The following NAV3 variants were observed in gnomAD, a reference collection of about 807,000 sequenced individuals.
NAV3 encodes neuron navigator 3.
A neutral mutation model predicts 244.7 loss-of-function variants in NAV3; 87 were observed. The observed-to-expected ratio is 0.36, with a 90% CI of 0.30 to 0.42. The LOEUF (loss-of-function observed/expected upper bound fraction) is 0.42. Among genes scored for constraint, NAV3 ranks in the 20% least tolerant of loss-of-function variants. NAV3 has a pLI of 1.00. For synonymous variants in NAV3, 1,126 were observed against 1,042.2 expected (o/e 1.08, Z -1.55); for missense variants, 2,663 against 2,893.3 (o/e 0.92, Z 1.83).
intron 1 of NAV3, among the ~76,000 whole-genome samples, chr12:77,864,249 C>T (rs1018362606): frequency 6.6e-6 from 1 of 151,764 alleles, no homozygotes; most frequent in Non-Finnish European, 1.5e-5. Flanking sequence ...TTTTTCCTAA[C>T]CTGTAAGTCC....
intron 2 of NAV3, among the ~76,000 whole-genome samples, chr12:77,758,225 AC>A (rs1218694659): frequency 2.6e-5 from 4 of 152,130 alleles, no homozygotes; most frequent in Non-Finnish European, 4.4e-5. Flanking sequence ...ACCTGGATAT[AC>A]TTTTTTCCTG....
chr12:77,649,548 A>G (rs1192660971), intron 2 of NAV3, among the ~76,000 whole-genome samples: 4 of 152,298 alleles, frequency 2.6e-5, no homozygotes, highest in Non-Finnish European at 5.9e-5. Flanking sequence ...ACAACTCAAC[A>G]TACTAATAAG....
intron 11 of NAV3, among the ~76,000 whole-genome samples, chr12:78,058,413 A>G (rs2137393957): frequency 6.6e-6 from 1 of 152,224 alleles, no homozygotes; most frequent in East Asian, 1.9e-4. Flanking sequence ...TATGGGGAAA[A>G]CTATCCCCGT....
intron 21 of NAV3, among the ~76,000 whole-genome samples, chr12:78,146,636 G>T (rs1054224043): frequency 6.6e-6 from 1 of 152,154 alleles, no homozygotes; most frequent in Middle Eastern, 3.4e-3. Context: ...CACCTAATAA[G>T]TTTTCTATAA....
In NAV3 at chr12:77,892,844, G is replaced by A. The variant is rs567684034; in HGVS notation, c.244-47475G>A. Among the ~76,000 whole-genome samples, 55 of 152,326 alleles carry A rather than the reference G, an allele frequency of 3.6e-4. No homozygotes were observed. The South Asian group carries it at 5.4e-3, about 15-fold the overall frequency. On this transcript the variant is annotated intron_variant, in intron 1 of 39. Coordinates refer to ENST00000397909, the MANE Select transcript of NAV3 (RefSeq NM_001024383.2). Reference sequence around the variant, plus strand: ...GATGAGGATAAAATATACGCAAAGTGCTTAGTGTGGTACCTGGTAAAAAGT... The same window carrying A: ...GATGAGGATAAAATATACGCAAAGTACTTAGTGTGGTACCTGGTAAAAAGT...
intron 6 of NAV3, among the ~76,000 whole-genome samples, chr12:77,996,664 A>G (rs1191028675): frequency 2.6e-5 from 4 of 152,108 alleles, no homozygotes; most frequent in African/African-American, 7.2e-5. Context: ...TGTGAAAATG[A>G]TATAGTCTAG....
chr12:77,615,465 C>T (rs1445986943), intron 2 of NAV3, among the ~76,000 whole-genome samples: 1 of 152,076 alleles, frequency 6.6e-6, no homozygotes, highest in Non-Finnish European at 1.5e-5. Context: ...TGTAGGCATG[C>T]AGCATTTGTT....
chr12:78,202,715 G>A (rs572714931), intron 38 of NAV3, among the ~76,000 whole-genome samples: 1 of 152,028 alleles, frequency 6.6e-6, no homozygotes, highest in African/African-American at 2.4e-5. Flanking sequence ...AGGGCTTTTT[G>A]GGGGAGGGGA....
At chr12:77,643,201 T>C (rs1216984960) in intron 2 of NAV3, among the ~76,000 whole-genome samples, 1 of 152,026 alleles carries the variant, frequency 6.6e-6, no homozygotes, top group Non-Finnish European at 1.5e-5. Flanking sequence ...TTCTTATGTC[T>C]AGCTTTAGTC....
intron 2 of NAV3, among the ~76,000 whole-genome samples, chr12:77,797,750 A>C (rs1370769510): frequency 6.6e-6 from 1 of 151,712 alleles, no homozygotes; most frequent in Non-Finnish European, 1.5e-5. Flanking sequence ...CTGAGGGAGG[A>C]GAATTGCTTG....
chr12:77,692,529 C>G (rs1705896964), intron 2 of NAV3, among the ~76,000 whole-genome samples: 1 of 152,008 alleles, frequency 6.6e-6, no homozygotes, highest in Non-Finnish European at 1.5e-5. Flanking sequence ...GGGTATGATA[C>G]AGTAAACCTC....
At chr12:77,581,407 T>G (rs1016730517) in intron 2 of NAV3, among the ~76,000 whole-genome samples, 15 of 152,324 alleles carry the variant, frequency 9.8e-5, no homozygotes, top group African/African-American at 2.6e-4. Context: ...TGAACTATCC[T>G]TTATAAATGT....
chr12:77,624,323 A>G (rs1024594116), intron 2 of NAV3, among the ~76,000 whole-genome samples: 1 of 152,182 alleles, frequency 6.6e-6, no homozygotes, highest in Admixed American at 6.5e-5. Context: ...GAACTAGCGG[A>G]AAGTTGCAAG....
intron 2 of NAV3, among the ~76,000 whole-genome samples, chr12:77,623,382 G>A (rs1233159895): frequency 1.3e-5 from 2 of 152,102 alleles, no homozygotes; most frequent in African/African-American, 4.8e-5. Context: ...GTTTTGAATT[G>A]GTTTTGAATT....
Position 78,116,793 on chromosome 12 carries a change from G to A in NAV3, c.2658G>A (p.Val886=), listed in dbSNP as rs2138515376. ...DADSWDDSSS[V]SSGLSDTLDN... is the part of the protein sequence containing the mutation. ...TTAGCTGGGATGACAGCAGTTCAGTGAGCAGTGGTCTCAGTGACACCCTTG... is the reference window on the plus strand; with the variant it reads ...TTAGCTGGGATGACAGCAGTTCAGTAAGCAGTGGTCTCAGTGACACCCTTG... The change falls in exon 13 of 40, where the codon GTG becomes GTA. Residue 886 remains valine, a synonymous_variant. Transcript: ENST00000397909. 6.2e-7 allele frequency: 1 copy of A among 1,603,396 alleles called. No individual in the cohort carries two copies. The highest frequency in any genetic ancestry group is 8.5e-7 in the Non-Finnish European group (1 of 1,173,152).
At chr12:77,746,963 A>G (rs956090580) in intron 2 of NAV3, among the ~76,000 whole-genome samples, 1 of 152,168 alleles carries the variant, frequency 6.6e-6, no homozygotes, top group Non-Finnish European at 1.5e-5. Context: ...GTCAAACTCA[A>G]TTGCACTTTG....
chr12:77,897,020 G>A (rs1035449439), intron 1 of NAV3, among the ~76,000 whole-genome samples: 1 of 152,176 alleles, frequency 6.6e-6, no homozygotes, highest in Non-Finnish European at 1.5e-5. Flanking sequence ...TCACCTGAGA[G>A]CTTGTTAAAA....
chr12:77,989,292 TA>T (rs1348229734), intron 5 of NAV3, among the ~76,000 whole-genome samples: 1 of 152,210 alleles, frequency 6.6e-6, no homozygotes, highest in Non-Finnish European at 1.5e-5. Context: ...AGTAATACTA[TA>T]ATTAGAACCA....
intron 18 of NAV3, among the ~76,000 whole-genome samples, chr12:78,129,637 T>C (rs1465474067): frequency 6.6e-6 from 1 of 152,144 alleles, no homozygotes; most frequent in African/African-American, 2.4e-5. Flanking sequence ...TTTAAAAATA[T>C]ATTTATTTTC....
Sources: gnomAD v4.1 joint callset for allele counts (sites outside exome capture counted in the v4.1 genomes callset) on GRCh38, gnomAD v4.1.1 for gene constraint, MANE v1.5 for transcripts, NCBI Gene and HGNC (gene_info 2026-07-23, HGNC 2026-07-21) for gene names.